N4BP2: variants seen among roughly 807,000 people sequenced by gnomAD.
The protein encoded by N4BP2 is NEDD4 binding protein 2.
A neutral mutation model predicts 152.8 loss-of-function variants in N4BP2; 91 were observed. The ratio of observed to expected loss-of-function variants is 0.60; its 90% CI spans 0.50 to 0.71. The LOEUF (loss-of-function observed/expected upper bound fraction) is 0.71, where lower values mean the gene tolerates loss of function less well. Ranked by LOEUF, N4BP2 falls within the 30% of genes least tolerant of loss-of-function variation. The pLI, the probability that N4BP2 is intolerant of heterozygous loss-of-function variation, is 0.00. For synonymous variants in N4BP2, 646 were observed against 705.3 expected, an observed-to-expected ratio of 0.92 and a Z score of 1.33; for missense variants, 1,923 against 2,059.1, an observed-to-expected ratio of 0.93 and a Z score of 1.28.
At chr4:40,071,905 A>G (rs577225008) in intron 1 of N4BP2, among the ~76,000 whole-genome samples, 1 of 149,262 alleles carries the variant, frequency 6.7e-6, no homozygotes, top group South Asian at 2.1e-4. Context: ...ATTTTATTTT[A>G]TTTTATTTTT....
intron 4 of N4BP2, among the ~76,000 whole-genome samples, chr4:40,104,977 T>C (rs1716112533): frequency 6.6e-6 from 1 of 152,018 alleles, no homozygotes; most frequent in African/African-American, 2.4e-5. Context: ...TAATTTTTTG[T>C]ATTTTTAGTA....
the N4BP2 span, among the ~76,000 whole-genome samples, chr4:40,181,615 A>G: frequency 2.2e-4 from 33 of 152,330 alleles, no homozygotes; most frequent in East Asian, 5.0e-3. Flanking sequence ...TCACAGTTCA[A>G]GGTGGCTGCT....
chr4:40,090,103 T>C (rs1177802105), intron 2 of N4BP2, among the ~76,000 whole-genome samples: 1 of 152,212 alleles, frequency 6.6e-6, no homozygotes, highest in Non-Finnish European at 1.5e-5. Context: ...TGCTGGGTTT[T>C]CTCTCTTGTT....
chr4:40,085,930 G>A (rs2109928786), intron 2 of N4BP2, among the ~76,000 whole-genome samples: 1 of 152,062 alleles, frequency 6.6e-6, no homozygotes, highest in East Asian at 1.9e-4. Flanking sequence ...GGAGGCTGAG[G>A]CAGGAGGAAT....
intron 7 of N4BP2, among the ~76,000 whole-genome samples, chr4:40,116,417 A>C (rs903838434): frequency 6.6e-6 from 1 of 152,008 alleles, no homozygotes; most frequent in East Asian, 1.9e-4. Context: ...TTTTTTTCCT[A>C]TCATGCCTTA....
At chr4:40,127,097 C>T (rs1718476141) in intron 12 of N4BP2, among the ~76,000 whole-genome samples, 1 of 152,120 alleles carries the variant, frequency 6.6e-6, no homozygotes, top group South Asian at 2.1e-4. Context: ...TGCCATGTTG[C>T]CCAGGCTGGT....
intron 4 of N4BP2, among the ~76,000 whole-genome samples, chr4:40,104,241 C>G (rs1168313136): frequency 6.6e-6 from 1 of 151,274 alleles, no homozygotes; most frequent in Non-Finnish European, 1.5e-5. Context: ...CGTGAGCCAC[C>G]GCGCCTGGCT....
rs150926611 is a variant in N4BP2 at position 40,085,198 on chromosome 4, A to G, written c.-115+11647A>G. ...AGTGCTGGGATTACAAGCGTGAGCT[A>G]CCACACCCGGCCAATTTATATTTTT... On this transcript the variant is annotated intron_variant, in intron 2 of 17. Transcript: ENST00000261435. 7.9e-5 allele frequency among the ~76,000 whole-genome samples: 12 copies of G among 152,102 alleles called. No individual in the cohort carries two copies. In the East Asian group the frequency reaches 2.3e-3, roughly 30 times the overall value.
the N4BP2 span, among the ~76,000 whole-genome samples, chr4:40,175,582 A>C: frequency 6.6e-6 from 1 of 152,278 alleles, no homozygotes; most frequent in African/African-American, 2.4e-5. Context: ...GCACTTCGGG[A>C]GGCCGAGGTG....
downstream of N4BP2, among the ~76,000 whole-genome samples, chr4:40,159,871 AGTT>A (rs928186955): frequency 2.1e-4 from 32 of 152,004 alleles, no homozygotes; most frequent in South Asian, 1.5e-3. Context: ...AGGAAATCAC[AGTT>A]GTTGTTGTTT....
intron 13 of N4BP2, among the ~76,000 whole-genome samples, chr4:40,134,899 TCC>T (rs1560630276): frequency 1.8e-5 from 2 of 112,110 alleles, no homozygotes; most frequent in Admixed American, 8.7e-5. Context: ...CTTCCTTCCT[TCC>T]TTTCTCTCTC....
At chr4:40,127,460 C>T (rs773047065) in intron 12 of N4BP2, among the ~76,000 whole-genome samples, 37 of 152,106 alleles carry the variant, frequency 2.4e-4, no homozygotes, top group Admixed American at 4.6e-4. Flanking sequence ...AGTGATCCTC[C>T]TGCCTCAGCT....
At chr4:40,070,343 G>T (rs754432787) in intron 1 of N4BP2, among the ~76,000 whole-genome samples, 1 of 152,180 alleles carries the variant, frequency 6.6e-6, no homozygotes, top group Non-Finnish European at 1.5e-5. Context: ...ATAAGAAGAC[G>T]TATATCTTCA....
the N4BP2 span, among the ~76,000 whole-genome samples, chr4:40,175,006 T>C: frequency 6.6e-6 from 1 of 152,094 alleles, no homozygotes; most frequent in Non-Finnish European, 1.5e-5. Context: ...TTGGTCTCAC[T>C]TGCATGTAAA....
rs146542945 is a variant in N4BP2 at position 40,064,432 on chromosome 4, G to T, written c.-212+7402G>T. Among the ~76,000 whole-genome samples the T allele has an allele frequency of 4.3e-3, 648 of 151,794 alleles. 3 individuals carry two copies. The highest frequency in any genetic ancestry group is 0.015 in the African/African-American group (610 of 41,386). On this transcript the variant is annotated intron_variant, in intron 1 of 17. Coordinates refer to ENST00000261435, the MANE Select transcript of N4BP2 (RefSeq NM_018177.6). ...TGGGACTGTAAGCGCGCACCACCACGCCTGGCTAATTTTTGTATTTTTAGT... is the reference window on the plus strand; with the variant it reads ...TGGGACTGTAAGCGCGCACCACCACTCCTGGCTAATTTTTGTATTTTTAGT...
At position 40,152,849 on chromosome 4, in the gene N4BP2, G is replaced by T. The variant is rs748621477; in HGVS notation, c.5213G>T (p.Gly1738Val). ...ITGRGNHSQG[G>V]VARIKPAVIK... Reference sequence around the variant, plus strand: ...GGGAGAGGAAACCACAGCCAGGGAGGAGTTGCTCGCATCAAACCAGCTGTC... The same window carrying T: ...GGGAGAGGAAACCACAGCCAGGGAGTAGTTGCTCGCATCAAACCAGCTGTC... The change falls in exon 17 of 18, where the codon GGA becomes GTA. Residue 1738 changes from glycine (G) to valine (V), a missense_variant. Gly to Val is a moderately radical substitution (Grantham distance 109). Transcript: ENST00000261435. 6.2e-7 allele frequency: 1 copy of T among 1,614,052 alleles called. No homozygotes were observed. Among genetic ancestry groups the T allele is most frequent in the Non-Finnish European group, 8.5e-7 (1 of 1,179,948 alleles).
chr4:40,081,994 C>T (rs1042574801), intron 2 of N4BP2, among the ~76,000 whole-genome samples: 2 of 152,150 alleles, frequency 1.3e-5, no homozygotes, highest in Admixed American at 6.6e-5. Context: ...TGCCTGTAAT[C>T]CCAGCTATTC....
intron 12 of N4BP2, among the ~76,000 whole-genome samples, chr4:40,128,797 G>A (rs1314852355): frequency 6.6e-6 from 1 of 151,294 alleles, no homozygotes; most frequent in Non-Finnish European, 1.5e-5. Context: ...GGGATTACAG[G>A]CATGAGCCAC....
intron 1 of N4BP2, among the ~76,000 whole-genome samples, chr4:40,067,470 G>A (rs764306875): frequency 6.7e-6 from 1 of 148,220 alleles, no homozygotes; most frequent in Non-Finnish European, 1.5e-5. Flanking sequence ...CTTGACTATT[G>A]TGAATAACGC....
Sources: gnomAD v4.1 joint callset for allele counts (sites outside exome capture counted in the v4.1 genomes callset) on GRCh38, gnomAD v4.1.1 for gene constraint, MANE v1.5 for transcripts, NCBI Gene and HGNC (gene_info 2026-07-23, HGNC 2026-07-21) for gene names.